ANO1: variants seen among roughly 807,000 people sequenced by gnomAD.
ANO1 encodes anoctamin 1.
A neutral mutation model predicts 124.0 loss-of-function variants in ANO1; 59 were observed. The ratio of observed to expected loss-of-function variants is 0.48; its 90% CI spans 0.39 to 0.59. The LOEUF is 0.59. Ranked by LOEUF, ANO1 falls within the 20% of genes least tolerant of loss-of-function variation. The pLI is 0.00. For synonymous variants in ANO1, 529 were observed against 532.0 expected (o/e 0.99, Z 0.08); for missense variants, 1,059 against 1,328.0 (o/e 0.80, Z 3.15).
At chr11:70,103,803 G>C (rs961950889) in intron 3 of ANO1, among the ~76,000 whole-genome samples, 196 bp from the exon 4 acceptor site, 10 of 152,160 alleles carry the variant, frequency 6.6e-5, no homozygotes, top group Non-Finnish European at 1.2e-4. Flanking sequence ...TGTGCTTTTG[G>C]CTGGGCGCTC....
chr11:70,116,116 C>T (rs891115262), intron 7 of ANO1, among the ~76,000 whole-genome samples: 3 of 152,204 alleles, frequency 2.0e-5, no homozygotes, highest in Non-Finnish European at 2.9e-5. Flanking sequence ...ATTGATACGA[C>T]TCTTCCTGCC....
chr11:70,095,283 G>GAAA lies in ANO1; in HGVS notation c.441+7199_441+7200insAAA, dbSNP rs2044824254. Among the ~76,000 whole-genome samples, 6 of 84,086 alleles carry GAAA rather than the reference G, an allele frequency of 7.1e-5. 1 individual carries two copies. Among genetic ancestry groups the GAAA allele is most frequent in the African/African-American group, 3.5e-4 (6 of 17,166 alleles). The allele number at this position is 84,086 out of a possible 152,430, so 55.2% of individuals were successfully genotyped here. A position where few individuals can be genotyped will look rare whatever the true frequency, so the allele number is the denominator to read the frequency against. ...AGGAAGGAAGGAAGGAAGGAAGGAAGGAAGGAAGGAAGGAAGGAAAGAAAG... is the reference window on the plus strand; with the variant it reads ...AGGAAGGAAGGAAGGAAGGAAGGAAGAAAGAAGGAAGGAAGGAAGGAAAGAAAG... On this transcript the variant is annotated intron_variant, in intron 2 of 25. Transcript: ENST00000355303.
chr11:70,039,759 T>C (rs1400541984), intron 1 of ANO1, among the ~76,000 whole-genome samples: 2 of 152,292 alleles, frequency 1.3e-5, no homozygotes, highest in East Asian at 1.9e-4. Flanking sequence ...CTCTTCAAAA[T>C]GAGGACTCCA....
chr11:70,106,596 G>C (rs543798657), intron 5 of ANO1, among the ~76,000 whole-genome samples: 1 of 152,300 alleles, frequency 6.6e-6, no homozygotes, highest in Non-Finnish European at 1.5e-5. Flanking sequence ...AGACAGATCT[G>C]GGGCAGGGAG....
In ANO1 at chr11:70,126,215, C is replaced by A; in HGVS notation, c.1097+20C>A. 6.2e-7 allele frequency: 1 copy of A among 1,607,032 alleles called. No homozygotes were observed. Among genetic ancestry groups the A allele is most frequent in the Non-Finnish European group, 8.5e-7 (1 of 1,176,936 alleles). The stretch of plus-strand genomic sequence containing the variant: ...CCCCAGGTAGGCGGCAGCCCACCCC[C>A]ACCACCCCGCAGTACACAGAGGAGC... On this transcript the variant is annotated intron_variant, in intron 10 of 25. Transcript: ENST00000355303.
At chr11:69,996,962 G>T (rs1363504595) in intron 1 of ANO1, among the ~76,000 whole-genome samples, 2 of 152,128 alleles carry the variant, frequency 1.3e-5, no homozygotes, top group African/African-American at 4.8e-5. Flanking sequence ...CAGGGTGTGG[G>T]GTGATGTCTG....
chr11:70,019,395 G>C (rs1856761807), intron 1 of ANO1, among the ~76,000 whole-genome samples: 1 of 152,102 alleles, frequency 6.6e-6, no homozygotes, highest in Admixed American at 6.6e-5. Context: ...TGTTCTAAAG[G>C]GAAAGAAAGC....
At chr11:70,148,416 A>G (rs2047464952) in intron 11 of ANO1, among the ~76,000 whole-genome samples, 1 of 152,220 alleles carries the variant, frequency 6.6e-6, no homozygotes, top group Non-Finnish European at 1.5e-5. Flanking sequence ...AGAGGCACAG[A>G]GAGGCTAAAT....
At position 70,126,179 on chromosome 11, in the gene ANO1, G is replaced by T; in HGVS notation, c.1081G>T (p.Asp361Tyr). 2.5e-6 allele frequency: 4 copies of T among 1,612,854 alleles called. No individual in the cohort carries two copies. The highest frequency in any genetic ancestry group is 3.4e-6 in the Non-Finnish European group (4 of 1,179,414). ...CTTCCTGTACGGATGCGCCACCATG[G>T]ATGAAAACATCCCCAGGTAGGCGGC... ...IVFLYGCATM[D>Y]ENIPSMEMCD... Residue 361 changes from aspartate to tyrosine, a missense_variant, in exon 10 of 26, where the codon GAT becomes TAT. Coordinates refer to ENST00000355303, the MANE Select transcript of ANO1 (RefSeq NM_018043.7).
chr11:70,076,135 G>C (rs2044053716), upstream of ANO1, among the ~76,000 whole-genome samples: 1 of 152,168 alleles, frequency 6.6e-6, no homozygotes, highest in South Asian at 2.1e-4. Context: ...ACAGAATGTG[G>C]GGATACTGGA....
intron 1 of ANO1, among the ~76,000 whole-genome samples, chr11:69,988,279 G>A (rs1425086898): frequency 6.6e-5 from 10 of 152,306 alleles, no homozygotes; most frequent in Non-Finnish European, 4.4e-5. Flanking sequence ...GAGAGAGGAA[G>A]CACTTATCTT....
At chr11:70,165,647 C>T (rs1481235791) in intron 20 of ANO1, 77 bp downstream of exon 20, 5 of 1,218,704 alleles carry the variant, frequency 4.1e-6, no homozygotes, top group Non-Finnish European at 5.8e-6. Context: ...CTGCGGGGGT[C>T]TGGGTGGACG....
intron 1 of ANO1, among the ~76,000 whole-genome samples, chr11:70,034,357 C>T (rs1555004128): frequency 6.6e-6 from 1 of 152,066 alleles, no homozygotes; most frequent in African/African-American, 2.4e-5. Context: ...GCTTTCTAGA[C>T]GTGATGACTG....
intron 1 of ANO1, among the ~76,000 whole-genome samples, chr11:70,068,342 G>A (rs1555008900): frequency 6.6e-6 from 1 of 152,252 alleles, no homozygotes; most frequent in African/African-American, 2.4e-5. Flanking sequence ...GCTAGAATCT[G>A]TGGACACCGA....
intron 1 of ANO1, 148 bp from the exon 2 acceptor site, chr11:70,087,604 A>T: frequency 1.4e-6 from 1 of 703,064 alleles, no homozygotes; most frequent in Non-Finnish European, 2.2e-6. Flanking sequence ...CTCAGGCCCT[A>T]GGACAGTGCC....
chr11:70,160,771 G>A (rs958800524), intron 16 of ANO1, among the ~76,000 whole-genome samples: 3 of 152,348 alleles, frequency 2.0e-5, no homozygotes, highest in Admixed American at 2.0e-4. Context: ...CACTGGCATG[G>A]CGGCCATACT....
intron 16 of ANO1, among the ~76,000 whole-genome samples, chr11:70,159,996 TGA>T (rs2047982925): frequency 6.6e-6 from 1 of 151,748 alleles, no homozygotes; most frequent in Non-Finnish European, 1.5e-5. Flanking sequence ...GCCCAGAACA[TGA>T]AATAAGAGCT....
chr11:70,066,066 A>G lies in ANO1; in HGVS notation c.59-12476A>G, dbSNP rs34587925. Among the ~76,000 whole-genome samples the G allele has an allele frequency of 7.4e-3, 1,135 of 152,376 alleles. 12 individuals are homozygous for G. The highest frequency in any genetic ancestry group is 0.014 in the Admixed American group (208 of 15,304). On this transcript the variant is annotated intron_variant, in intron 1 of 27. Transcript: ENST00000531349. ...AAGGTAAGCTCTGTGGGAGTAGAGC[A>G]GGGACTTGTTTGCATTGTTTATTCC...
chr11:70,084,556 G>A (rs1050383287), intron 1 of ANO1, among the ~76,000 whole-genome samples: 1 of 152,254 alleles, frequency 6.6e-6, no homozygotes, highest in South Asian at 2.1e-4. Context: ...AGAGTGTCCA[G>A]AGCCTCCCCC....
Sources: gnomAD v4.1 joint callset for allele counts (sites outside exome capture counted in the v4.1 genomes callset) on GRCh38, gnomAD v4.1.1 for gene constraint, MANE v1.5 for transcripts, NCBI Gene and HGNC (gene_info 2026-07-23, HGNC 2026-07-21) for gene names.